Variants in ROPN1L observed in about 807,000 individuals in gnomAD.
The protein encoded by ROPN1L is rhophilin associated tail protein 1 like, also known as ropporin-1-like protein.
In ROPN1L, 23 loss-of-function variants were observed where a neutral mutation model predicts 22.7. The observed-to-expected ratio is 1.01, with a 90% CI of 0.73 to 1.43. The LOEUF is 1.43. Ranked by LOEUF, ROPN1L falls within the 40% of genes most tolerant of loss-of-function variation. The pLI is 0.00. For missense variants in ROPN1L, 271 were observed against 291.5 expected, an observed-to-expected ratio of 0.93 and a Z score of 0.51; for synonymous variants, 116 against 117.8, an observed-to-expected ratio of 0.98 and a Z score of 0.10.
chr5:10,448,881 G>A lies in ROPN1L; in HGVS notation c.255+498G>A, dbSNP rs190647843. 1.0e-3 allele frequency among the ~76,000 whole-genome samples: 159 copies of A among 152,318 alleles called. 1 individual carries two copies. The highest frequency in any genetic ancestry group is 3.8e-3 in the African/African-American group (156 of 41,564). On this transcript the variant is annotated intron_variant, in intron 2 of 4. Coordinates refer to ENST00000274134, the MANE Select transcript of ROPN1L (RefSeq NM_031916.5). ...AGCCTGGGCCCCCTTCCTGCCTTGC[G>A]CTTCTTTGCCCCACACGCCATCCTG...
chr5:10,481,648 T>G, the ROPN1L span, among the ~76,000 whole-genome samples: 2 of 152,206 alleles, frequency 1.3e-5, no homozygotes, highest in Non-Finnish European at 1.5e-5. Context: ...ACAAGCTTAA[T>G]GTTTGCACTG....
chr5:10,454,803 G>C (rs1741364277), intron 3 of ROPN1L, among the ~76,000 whole-genome samples: 1 of 152,182 alleles, frequency 6.6e-6, no homozygotes, highest in Non-Finnish European at 1.5e-5. Flanking sequence ...GTATTCTCTG[G>C]AATCCTCCCA....
the ROPN1L span, among the ~76,000 whole-genome samples, chr5:10,482,661 T>A: frequency 6.6e-6 from 1 of 152,008 alleles, no homozygotes; most frequent in African/African-American, 2.4e-5. Context: ...GGGGTCCTGG[T>A]GGGAAGGGGA....
At chr5:10,461,556 A>C in intron 4 of ROPN1L, 197 bp downstream of exon 4, 1 of 555,618 alleles carries the variant, frequency 1.8e-6, no homozygotes. Flanking sequence ...TGCAGCAGAC[A>C]CCAGCTGTGC....
intron 1 of ROPN1L, among the ~76,000 whole-genome samples, chr5:10,446,953 C>T (rs1047130219): frequency 6.6e-6 from 1 of 152,144 alleles, no homozygotes; most frequent in Non-Finnish European, 1.5e-5. Flanking sequence ...TTAACAAAGC[C>T]ACAAAATGGA....
At chr5:10,450,143 T>C (rs767410899) in intron 3 of ROPN1L, 30 bp downstream of exon 3, 1 of 1,508,876 alleles carries the variant, frequency 6.6e-7, no homozygotes, top group Non-Finnish European at 8.9e-7. Flanking sequence ...ATATTAATAA[T>C]TCTGTGTCAT....
At chr5:10,470,446 C>T (rs1302530810) in intron 4 of ROPN1L, among the ~76,000 whole-genome samples, 3 of 152,244 alleles carry the variant, frequency 2.0e-5, no homozygotes, top group Non-Finnish European at 1.5e-5. Context: ...GCCTCACACT[C>T]CTGTCCCTCT....
intron 3 of ROPN1L, among the ~76,000 whole-genome samples, chr5:10,456,103 C>T (rs1195190862): frequency 1.3e-5 from 2 of 152,176 alleles, no homozygotes; most frequent in African/African-American, 2.4e-5. Context: ...CGAAAATGCC[C>T]GGAAAATAGT....
intron 3 of ROPN1L, among the ~76,000 whole-genome samples, chr5:10,451,654 T>C (rs1741255612): frequency 6.6e-6 from 1 of 152,172 alleles, no homozygotes; most frequent in African/African-American, 2.4e-5. Flanking sequence ...AGTGGGAAGC[T>C]CCGTGCCCTC....
chr5:10,470,889 G>T (rs143106845), intron 4 of ROPN1L, among the ~76,000 whole-genome samples: 1 of 152,208 alleles, frequency 6.6e-6, no homozygotes, highest in Non-Finnish European at 1.5e-5. Flanking sequence ...CCCCTGCCAC[G>T]TACGGGTTTT....
intron 1 of ROPN1L, among the ~76,000 whole-genome samples, chr5:10,442,794 C>T (rs1022836003): frequency 3.3e-5 from 5 of 152,310 alleles, no homozygotes; most frequent in African/African-American, 1.2e-4. Context: ...GGTCATCATC[C>T]CTAGAGTGCT....
rs1286262869 is a variant in ROPN1L, at chr5:10,459,371, T to TGCCTTCCACCCTCATCACTGGGTTCC, written c.418-1813_418-1812insGCCTTCCACCCTCATCACTGGGTTCC. ...GCCTTCCACCCTCATCACTGGGTTC[T>TGCCTTCCACCCTCATCACTGGGTTCC]TGCCTTCCACCCTCATCACTTCTCT... On this transcript the variant is annotated intron_variant, in intron 3 of 4. Transcript: ENST00000274134. Among the ~76,000 whole-genome samples, 325 of 147,968 alleles carry TGCCTTCCACCCTCATCACTGGGTTCC rather than the reference T, an allele frequency of 2.2e-3. 2 individuals carry two copies. Among genetic ancestry groups the TGCCTTCCACCCTCATCACTGGGTTCC allele is most frequent in the South Asian group, 3.8e-3 (18 of 4,760 alleles).
At chr5:10,442,771 G>A (rs1233539991) in intron 1 of ROPN1L, among the ~76,000 whole-genome samples, 2 of 152,238 alleles carry the variant, frequency 1.3e-5, no homozygotes, top group East Asian at 1.9e-4. Flanking sequence ...CGGAACGACC[G>A]TGGTCATACT....
At chr5:10,469,070 G>A (rs1398514344), downstream of ROPN1L, among the ~76,000 whole-genome samples, 2 of 152,170 alleles carry the variant, frequency 1.3e-5, no homozygotes, top group East Asian at 3.9e-4. Context: ...CAGGAGAATG[G>A]CGTGAACCTG....
intron 1 of ROPN1L, among the ~76,000 whole-genome samples, chr5:10,444,372 C>G (rs1399279742): frequency 6.6e-6 from 1 of 152,076 alleles, no homozygotes; most frequent in East Asian, 1.9e-4. Flanking sequence ...CTCACGGCAA[C>G]CTCTGCCTCC....
chr5:10,463,435 C>T (rs551632464), intron 4 of ROPN1L, among the ~76,000 whole-genome samples: 25 of 152,272 alleles, frequency 1.6e-4, no homozygotes, highest in African/African-American at 5.8e-4. Context: ...CCGCAGGGTC[C>T]GGGGAGCTGT....
intron 3 of ROPN1L, among the ~76,000 whole-genome samples, chr5:10,456,610 G>C (rs1741429152): frequency 6.6e-6 from 1 of 152,244 alleles, no homozygotes; most frequent in African/African-American, 2.4e-5. Context: ...GCCAAGGAGA[G>C]GGTCTTTTGG....
At chr5:10,474,383 C>T (rs1220737217), downstream of ROPN1L, among the ~76,000 whole-genome samples, 2 of 152,134 alleles carry the variant, frequency 1.3e-5, no homozygotes, top group African/African-American at 4.8e-5. Context: ...TGACATGACT[C>T]AGCAGTAGCA....
At chr5:10,466,810 G>A (rs973228037), downstream of ROPN1L, among the ~76,000 whole-genome samples, 1 of 152,128 alleles carries the variant, frequency 6.6e-6, no homozygotes, top group African/African-American at 2.4e-5. Flanking sequence ...GAGACCCAGT[G>A]CTTACGTAGC....
Sources: allele counts gnomAD v4.1 joint callset (sites outside exome capture counted in the v4.1 genomes callset), GRCh38; gene constraint gnomAD v4.1.1; transcripts MANE v1.5; gene names NCBI Gene and HGNC (gene_info 2026-07-23, HGNC 2026-07-21).